The following TMEM156 variants were observed in gnomAD, a reference collection of about 807,000 sequenced individuals.
TMEM156 encodes transmembrane protein 156.
TMEM156 carries 28 observed loss-of-function variants against 30.5 expected under a neutral mutation model. The observed-to-expected ratio is 0.92, with a 90% CI of 0.68 to 1.26. TMEM156 has a LOEUF of 1.26. TMEM156 is among the 50% of genes most tolerant of loss of function. The probability of loss-of-function intolerance (pLI) is 0.00; values close to 1 mark genes in which losing one functional copy is unlikely to be tolerated. For missense variants in TMEM156, 351 were observed against 340.6 expected, an observed-to-expected ratio of 1.03 and a Z score of -0.24; for synonymous variants, 137 against 119.9, an observed-to-expected ratio of 1.14 and a Z score of -0.93.
chr4:39,023,929 TAAAAG>T (rs1420981892), intron 1 of TMEM156, among the ~76,000 whole-genome samples: 1 of 152,170 alleles, frequency 6.6e-6, no homozygotes, highest in African/African-American at 2.4e-5. Context: ...TTACACAAAA[TAAAAG>T]AAGAGACAAA....
chr4:38,993,304 A>T (rs180824496), intron 3 of TMEM156, among the ~76,000 whole-genome samples: 1 of 148,576 alleles, frequency 6.7e-6, no homozygotes, highest in East Asian at 2.0e-4. Flanking sequence ...GGTGGTGCAC[A>T]CCTGTAGTCC....
chr4:39,015,728 T>A (rs2110035854), intron 1 of TMEM156, among the ~76,000 whole-genome samples: 1 of 152,296 alleles, frequency 6.6e-6, no homozygotes, highest in East Asian at 1.9e-4. Flanking sequence ...TCATCTTGAA[T>A]TGTAGCTCTC....
chr4:38,987,747 G>A (rs1712106063), intron 4 of TMEM156, among the ~76,000 whole-genome samples: 1 of 152,192 alleles, frequency 6.6e-6, no homozygotes, highest in African/African-American at 2.4e-5. Flanking sequence ...GATTATGCTT[G>A]TTTTACAGAG....
At chr4:38,979,489 C>G (rs1371391259) in intron 5 of TMEM156, among the ~76,000 whole-genome samples, 2 of 152,218 alleles carry the variant, frequency 1.3e-5, no homozygotes, top group African/African-American at 4.8e-5. Flanking sequence ...ATAGAAAGCA[C>G]TATGAAGCAC....
At chr4:39,025,378 A>G (rs1182340335) in intron 1 of TMEM156, among the ~76,000 whole-genome samples, 1 of 151,526 alleles carries the variant, frequency 6.6e-6, no homozygotes, top group Non-Finnish European at 1.5e-5. Context: ...AGATTGGAAT[A>G]AACTCAAAAA....
intron 1 of TMEM156, among the ~76,000 whole-genome samples, chr4:39,015,343 T>G (rs1307214273): frequency 6.6e-6 from 1 of 152,216 alleles, no homozygotes; most frequent in African/African-American, 2.4e-5. Context: ...TTATCCTGGA[T>G]TATCTGGGTG....
chr4:39,013,691 C>T (rs1223148565), intron 1 of TMEM156, among the ~76,000 whole-genome samples: 2 of 151,946 alleles, frequency 1.3e-5, no homozygotes, highest in Non-Finnish European at 2.9e-5. Flanking sequence ...TGAGCCATCG[C>T]GCCCGGCCAA....
chr4:39,029,450 T>G (rs968258429), intron 1 of TMEM156, among the ~76,000 whole-genome samples: 15 of 144,230 alleles, frequency 1.0e-4, no homozygotes, highest in Middle Eastern at 6.9e-3. Context: ...CAACTATTAT[T>G]GTGATTAAGA....
chr4:38,988,344 C>T (rs531759286), intron 4 of TMEM156, among the ~76,000 whole-genome samples: 13 of 152,220 alleles, frequency 8.5e-5, no homozygotes, highest in Non-Finnish European at 1.9e-4. Flanking sequence ...GTGCCTCAGC[C>T]TCCCAAGTAG....
chr4:39,021,228 C>A (rs1238757123), intron 1 of TMEM156, among the ~76,000 whole-genome samples: 2 of 151,914 alleles, frequency 1.3e-5, no homozygotes, highest in African/African-American at 4.8e-5. Flanking sequence ...CATAGTGAGA[C>A]CCCGTCTCTA....
Position 38,993,733 on chromosome 4 carries a change from C to T in TMEM156, c.619+5G>A. 2.5e-6 allele frequency: 4 copies of T among 1,609,246 alleles called. No homozygotes were observed. Among genetic ancestry groups the T allele is most frequent in the African/African-American group, 2.7e-5 (2 of 74,822 alleles). ...CTTTTCCCTTTAGTTTCCTTAAAAACTTACTTTTTATATCCATCTCTAGGT... is the reference window on the plus strand; with the variant it reads ...CTTTTCCCTTTAGTTTCCTTAAAAATTTACTTTTTATATCCATCTCTAGGT... On this transcript the variant is annotated splice_donor_5th_base_variant and intron_variant, in intron 3 of 6. Coordinates refer to ENST00000381938, the MANE Select transcript of TMEM156 (RefSeq NM_024943.3).
chr4:39,030,645 C>T (rs1311817730), intron 1 of TMEM156, among the ~76,000 whole-genome samples: 1 of 152,130 alleles, frequency 6.6e-6, no homozygotes, highest in African/African-American at 2.4e-5. Context: ...AAATACTAAC[C>T]AATAGTTAAT....
chr4:39,010,301 T>A (rs1028468066), intron 1 of TMEM156, among the ~76,000 whole-genome samples: 4 of 152,118 alleles, frequency 2.6e-5, no homozygotes, highest in African/African-American at 9.7e-5. Context: ...ATAATCAATA[T>A]CATTAAAGCA....
intron 2 of TMEM156, among the ~76,000 whole-genome samples, 191 bp from the exon 3 acceptor site, chr4:38,994,189 A>T (rs1712758859): frequency 1.3e-5 from 2 of 152,130 alleles, no homozygotes; most frequent in African/African-American, 4.8e-5. Flanking sequence ...CAGTGGCGTA[A>T]TCATGGCTCA....
intron 1 of TMEM156, among the ~76,000 whole-genome samples, chr4:39,001,261 C>G (rs1464727553): frequency 6.7e-6 from 1 of 149,334 alleles, no homozygotes; most frequent in South Asian, 2.1e-4. Context: ...GTGGCGGGCA[C>G]CTGTAGTCCC....
chr4:39,030,396 T>C (rs548457331), intron 1 of TMEM156, among the ~76,000 whole-genome samples: 4 of 152,228 alleles, frequency 2.6e-5, no homozygotes, highest in African/African-American at 7.2e-5. Context: ...ACATTACTAT[T>C]AGGCCAAGGA....
intron 3 of TMEM156, among the ~76,000 whole-genome samples, chr4:38,991,594 C>T (rs1235895979): frequency 2.0e-5 from 3 of 152,058 alleles, no homozygotes; most frequent in Non-Finnish European, 4.4e-5. Context: ...ATTTGTGCAC[C>T]ACTGCTATCT....
chr4:38,980,469 GAC>G (rs1176648170), intron 5 of TMEM156, among the ~76,000 whole-genome samples: 1 of 152,210 alleles, frequency 6.6e-6, no homozygotes, highest in Non-Finnish European at 1.5e-5. Context: ...GGGTACCTAT[GAC>G]ATGCCCATAT....
chr4:39,005,925 C>T (rs1021851762), intron 1 of TMEM156, among the ~76,000 whole-genome samples: 1 of 152,158 alleles, frequency 6.6e-6, no homozygotes, highest in African/African-American at 2.4e-5. Context: ...GAGTCAGACT[C>T]TCACTCTGTT....
Sources: allele counts gnomAD v4.1 joint callset (sites outside exome capture counted in the v4.1 genomes callset), GRCh38; gene constraint gnomAD v4.1.1; transcripts MANE v1.5; gene names NCBI Gene and HGNC (gene_info 2026-07-23, HGNC 2026-07-21).